The following OTUD7A variants were observed in gnomAD, a reference collection of about 807,000 sequenced individuals.
OTUD7A encodes OTU domain-containing protein 7A.
OTUD7A carries 12 observed loss-of-function variants against 65.7 expected under a neutral mutation model. The ratio of observed to expected loss-of-function variants is 0.18; its 90% confidence interval spans 0.12 to 0.30. The LOEUF is 0.30. Among genes scored for constraint, OTUD7A ranks in the 10% least tolerant of loss-of-function variants. The pLI is 1.00. For missense variants in OTUD7A, 1,148 were observed against 1,304.8 expected, an observed-to-expected ratio of 0.88 and a Z score of 1.85; for synonymous variants, 641 against 586.3, an observed-to-expected ratio of 1.09 and a Z score of -1.35.
chr15:31,651,154 T>C (rs1338570476), intron 3 of OTUD7A, among the ~76,000 whole-genome samples: 7 of 140,642 alleles, frequency 5.0e-5, no homozygotes, highest in African/African-American at 2.0e-4. Context: ...GGGCAGAACA[T>C]AGAAACATGG....
chr15:31,860,213 C>A, intron 1 of OTUD7A, among the ~76,000 whole-genome samples: 1 of 152,140 alleles, frequency 6.6e-6, no homozygotes, highest in Non-Finnish European at 1.5e-5. Context: ...GTATGACAAG[C>A]AAGTCCCATT....
chr15:31,816,801 A>G (rs1896561087), intron 1 of OTUD7A, among the ~76,000 whole-genome samples: 1 of 152,234 alleles, frequency 6.6e-6, no homozygotes, highest in South Asian at 2.1e-4. Context: ...AATTTAATTT[A>G]TGTATATTAG....
chr15:31,619,380 A>G (rs1247303789), intron 3 of OTUD7A, among the ~76,000 whole-genome samples: 1 of 152,116 alleles, frequency 6.6e-6, no homozygotes, highest in Non-Finnish European at 1.5e-5. Flanking sequence ...TGGCCATTTG[A>G]CGATATTGAT....
At chr15:31,596,386 G>A (rs1889904613) in intron 3 of OTUD7A, among the ~76,000 whole-genome samples, 1 of 152,170 alleles carries the variant, frequency 6.6e-6, no homozygotes, top group South Asian at 2.1e-4. Flanking sequence ...CTATTCACTC[G>A]CTGAGGGATA....
At chr15:31,822,255 G>C (rs1896700863) in intron 1 of OTUD7A, among the ~76,000 whole-genome samples, 3 of 152,206 alleles carry the variant, frequency 2.0e-5, no homozygotes, top group Admixed American at 2.0e-4. Flanking sequence ...ATGGCATAGT[G>C]AGAAACGGAG....
chr15:31,750,918 A>G (rs930004829), intron 1 of OTUD7A, among the ~76,000 whole-genome samples: 2 of 152,224 alleles, frequency 1.3e-5, no homozygotes, highest in Admixed American at 6.5e-5. Flanking sequence ...CCATATAAAA[A>G]ATTAACTCAA....
intron 1 of OTUD7A, among the ~76,000 whole-genome samples, chr15:31,783,537 C>T (rs1254737179): frequency 1.3e-5 from 2 of 152,084 alleles, no homozygotes; most frequent in Non-Finnish European, 2.9e-5. Context: ...AGAACAAAAC[C>T]CAAACAGAAA....
At chr15:31,488,980 C>T (rs899062531) in intron 10 of OTUD7A, among the ~76,000 whole-genome samples, 1 of 152,192 alleles carries the variant, frequency 6.6e-6, no homozygotes, top group Non-Finnish European at 1.5e-5. Flanking sequence ...TTGCTGCAGC[C>T]TGCTGGGTTC....
At chr15:31,658,657 C>T (rs1240282044) in intron 1 of OTUD7A, among the ~76,000 whole-genome samples, 1 of 152,110 alleles carries the variant, frequency 6.6e-6, no homozygotes, top group African/African-American at 2.4e-5. Flanking sequence ...GGAAGTGGTC[C>T]AACCAGAGAG....
At chr15:31,623,599 C>T (rs574787250) in intron 3 of OTUD7A, among the ~76,000 whole-genome samples, 1 of 152,364 alleles carries the variant, frequency 6.6e-6, no homozygotes, top group African/African-American at 2.4e-5. Context: ...GTTCCATTTG[C>T]TAAGACCATT....
At chr15:31,781,309 T>C (rs768662167) in intron 1 of OTUD7A, among the ~76,000 whole-genome samples, 2 of 152,126 alleles carry the variant, frequency 1.3e-5, no homozygotes, top group Non-Finnish European at 2.9e-5. Context: ...AAGCCACGTG[T>C]AGAGGCCACA....
At chr15:31,867,021 G>A (rs1897893413) in intron 1 of OTUD7A, among the ~76,000 whole-genome samples, 1 of 152,104 alleles carries the variant, frequency 6.6e-6, no homozygotes, top group Admixed American at 6.5e-5. Context: ...ACCTCAGTAG[G>A]AGAGAGGAGT....
chr15:31,699,325 C>T (rs568178831), intron 1 of OTUD7A, among the ~76,000 whole-genome samples: 4 of 152,230 alleles, frequency 2.6e-5, no homozygotes, highest in East Asian at 1.9e-4. Context: ...GTGATCCGCC[C>T]GCCTCGGCCT....
In OTUD7A at chr15:31,700,640, G is replaced by T. The variant is rs557594509; in HGVS notation, c.-99-43563C>A. Among the ~76,000 whole-genome samples, 45 of 151,942 alleles carry T rather than the reference G, an allele frequency of 3.0e-4. 1 individual carries two copies. The highest frequency in any genetic ancestry group is 2.4e-3 in the Admixed American group (36 of 15,262). ...AAAATCATGATATTCATAGAGAATG[G>T]CCTTTTTCTGCTTTCCTTGTCCCTT... On this transcript the variant is annotated intron_variant, in intron 1 of 12. Coordinates refer to ENST00000307050, the MANE Select transcript of OTUD7A (RefSeq NM_001382637.1).
intron 10 of OTUD7A, among the ~76,000 whole-genome samples, chr15:31,494,391 A>G (rs1413011485): frequency 1.3e-5 from 2 of 152,144 alleles, no homozygotes; most frequent in African/African-American, 4.8e-5. Context: ...CCCTTACCAG[A>G]CTCCAAATCT....
chr15:31,748,289 C>T (rs187799771), intron 1 of OTUD7A, among the ~76,000 whole-genome samples: 1 of 151,568 alleles, frequency 6.6e-6, no homozygotes, highest in African/African-American at 2.4e-5. Context: ...ATGTCTCTAC[C>T]AGTCTCAAAT....
intron 1 of OTUD7A, among the ~76,000 whole-genome samples, chr15:31,847,793 C>CT (rs1453473544): frequency 2.0e-5 from 3 of 152,164 alleles, no homozygotes; most frequent in Non-Finnish European, 2.9e-5. Flanking sequence ...GGAAGCATGG[C>CT]TGAGAGGACT....
At chr15:31,865,233 G>A (rs1248845785) in intron 1 of OTUD7A, among the ~76,000 whole-genome samples, 4 of 152,194 alleles carry the variant, frequency 2.6e-5, no homozygotes, top group Non-Finnish European at 5.9e-5. Flanking sequence ...AACAATTTTT[G>A]TAAAAGGCAT....
chr15:31,807,500 G>A (rs1316064764), intron 1 of OTUD7A, among the ~76,000 whole-genome samples: 1 of 152,146 alleles, frequency 6.6e-6, no homozygotes, highest in Non-Finnish European at 1.5e-5. Context: ...ACATGCCACA[G>A]GAAAGGCAGA....
Sources: gnomAD v4.1 joint callset for allele counts (sites outside exome capture counted in the v4.1 genomes callset) on GRCh38, gnomAD v4.1.1 for gene constraint, MANE v1.5 for transcripts, NCBI Gene and HGNC (gene_info 2026-07-23, HGNC 2026-07-21) for gene names.